SPATS2: variants seen among roughly 807,000 people sequenced by gnomAD.
The protein encoded by SPATS2 is spermatogenesis associated serine rich 2.
In SPATS2, 38 loss-of-function variants were observed where a neutral mutation model predicts 63.7. That is an observed-to-expected ratio of 0.60 (90% CI 0.46 to 0.78). The LOEUF is 0.78. SPATS2 is among the 30% of genes least tolerant of loss of function. The pLI is 0.00. For missense variants in SPATS2, 588 were observed against 666.2 expected, an observed-to-expected ratio of 0.88 and a Z score of 1.29; for synonymous variants, 207 against 232.9, an observed-to-expected ratio of 0.89 and a Z score of 1.01.
chr12:49,409,725 C>T (rs1225569518), intron 2 of SPATS2, among the ~76,000 whole-genome samples: 1 of 151,042 alleles, frequency 6.6e-6, no homozygotes, highest in Non-Finnish European at 1.5e-5. Context: ...GCCTCAGCCT[C>T]CCGAGTAGTT....
At chr12:49,455,388 G>A (rs955374296) in intron 2 of SPATS2, among the ~76,000 whole-genome samples, 5 of 152,138 alleles carry the variant, frequency 3.3e-5, no homozygotes, top group African/African-American at 1.2e-4. Context: ...ATGAATGTGT[G>A]GAACATTTAC....
At chr12:49,407,163 C>T (rs947085098) in intron 2 of SPATS2, among the ~76,000 whole-genome samples, 1 of 152,208 alleles carries the variant, frequency 6.6e-6, no homozygotes, top group Non-Finnish European at 1.5e-5. Flanking sequence ...TGACCACCCT[C>T]TCTACTGCTA....
intron 9 of SPATS2, among the ~76,000 whole-genome samples, chr12:49,509,731 C>T (rs1447478731): frequency 4.0e-5 from 6 of 150,662 alleles, no homozygotes; most frequent in Non-Finnish European, 8.8e-5. Flanking sequence ...GCACGAGAAT[C>T]GCTTGAACCC....
rs1018118870 is a variant in SPATS2, at chr12:49,505,686, T to A, written c.839+5481T>A. ...GTTCAGTTATATTATTGGATTTTTT[T>A]AATCCTGATTTCTTTTCCACAAAGT... On this transcript the variant is annotated intron_variant, in intron 9 of 13. Coordinates refer to ENST00000552918, the MANE Select transcript of SPATS2 (RefSeq NM_023071.4). 3.9e-5 allele frequency among the ~76,000 whole-genome samples: 6 copies of A among 152,374 alleles called. No homozygotes were observed. The South Asian group carries it at 1.0e-3, about 26-fold the overall frequency.
At chr12:49,522,879 C>G in intron 12 of SPATS2, 26 bp downstream of exon 12, 8 of 1,584,022 alleles carry the variant, frequency 5.1e-6, no homozygotes, top group Non-Finnish European at 6.1e-6. Context: ...GGTCTGGGCA[C>G]TACAGGTGGT....
At chr12:49,440,845 A>G (rs1181519608) in intron 2 of SPATS2, among the ~76,000 whole-genome samples, 2 of 152,140 alleles carry the variant, frequency 1.3e-5, no homozygotes, top group Non-Finnish European at 2.9e-5. Context: ...GATTAGATTC[A>G]GATTATGCAG....
chr12:49,376,495 C>T (rs1944105663), intron 2 of SPATS2, among the ~76,000 whole-genome samples: 1 of 151,776 alleles, frequency 6.6e-6, no homozygotes, highest in Non-Finnish European at 1.5e-5. Context: ...ATCCTGGGCT[C>T]AAGTGATCCT....
intron 3 of SPATS2, among the ~76,000 whole-genome samples, chr12:49,477,480 G>A (rs1250739144): frequency 2.6e-5 from 4 of 152,160 alleles, no homozygotes. Context: ...AGATTGACTG[G>A]TAATTGGACA....
At chr12:49,424,974 C>T (rs1463808297) in intron 2 of SPATS2, among the ~76,000 whole-genome samples, 1 of 152,116 alleles carries the variant, frequency 6.6e-6, no homozygotes, top group Non-Finnish European at 1.5e-5. Flanking sequence ...AGCCACCACA[C>T]CTGGCCCATA....
intron 2 of SPATS2, among the ~76,000 whole-genome samples, chr12:49,422,698 G>A (rs1945004018): frequency 2.0e-5 from 3 of 152,066 alleles, no homozygotes; most frequent in Admixed American, 6.6e-5. Flanking sequence ...CTTGAGCTCC[G>A]GAGTTCGAGA....
chr12:49,423,139 T>G (rs1361131513), intron 2 of SPATS2, among the ~76,000 whole-genome samples: 1 of 152,000 alleles, frequency 6.6e-6, no homozygotes, highest in African/African-American at 2.4e-5. Context: ...TAATACTGTT[T>G]TTGTTTTTTT....
intron 2 of SPATS2, among the ~76,000 whole-genome samples, chr12:49,371,549 A>G (rs1943997729): frequency 1.3e-5 from 2 of 152,134 alleles, no homozygotes; most frequent in Admixed American, 6.6e-5. Flanking sequence ...GTCCCTCTGT[A>G]TTGATCCATT....
At chr12:49,416,746 A>G (rs936929566) in intron 2 of SPATS2, among the ~76,000 whole-genome samples, 1 of 152,024 alleles carries the variant, frequency 6.6e-6, no homozygotes, top group East Asian at 1.9e-4. Context: ...CAGCTTCCCA[A>G]AGTGTTGGGA....
chr12:49,367,324 C>T (rs1430368373), upstream of SPATS2: 5 of 380,448 alleles, frequency 1.3e-5, no homozygotes, highest in Non-Finnish European at 2.3e-5. Context: ...GCGGGGCGAG[C>T]CGCTGCCTGG....
intron 2 of SPATS2, among the ~76,000 whole-genome samples, chr12:49,401,200 A>C (rs139747355): frequency 6.6e-6 from 1 of 152,084 alleles, no homozygotes; most frequent in Non-Finnish European, 1.5e-5. Flanking sequence ...TTGTAGAGAC[A>C]AGGTCTCCCT....
chr12:49,432,223 C>T (rs1157965340), intron 2 of SPATS2, among the ~76,000 whole-genome samples: 1 of 152,164 alleles, frequency 6.6e-6, no homozygotes, highest in African/African-American at 2.4e-5. Flanking sequence ...CCTGTAATCC[C>T]AGCACTTGGG....
At chr12:49,443,963 C>G (rs1238267908) in intron 2 of SPATS2, among the ~76,000 whole-genome samples, 1 of 152,110 alleles carries the variant, frequency 6.6e-6, no homozygotes, top group Non-Finnish European at 1.5e-5. Context: ...ATTCTGGTTT[C>G]TTTGAATTTC....
At chr12:49,445,834 A>G (rs1214734990) in intron 2 of SPATS2, among the ~76,000 whole-genome samples, 3 of 151,618 alleles carry the variant, frequency 2.0e-5, no homozygotes, top group Admixed American at 6.6e-5. Flanking sequence ...CTGGCTTGCT[A>G]ATATTTTGTT....
intron 2 of SPATS2, among the ~76,000 whole-genome samples, chr12:49,384,646 A>T (rs1312432692): frequency 6.6e-6 from 1 of 152,232 alleles, no homozygotes; most frequent in African/African-American, 2.4e-5. Context: ...AACAAATCAT[A>T]GAACCCTAAT....
Sources: gnomAD v4.1 joint callset for allele counts (sites outside exome capture counted in the v4.1 genomes callset) on GRCh38, gnomAD v4.1.1 for gene constraint, MANE v1.5 for transcripts, NCBI Gene and HGNC (gene_info 2026-07-23, HGNC 2026-07-21) for gene names.